Variants in ELP2 observed in about 807,000 individuals in gnomAD.
ELP2 encodes the protein elongator acetyltransferase complex subunit 2.
In ELP2, 90 loss-of-function variants were observed where a neutral mutation model predicts 119.2. The ratio of observed to expected loss-of-function variants is 0.75; its 90% CI spans 0.64 to 0.90. The LOEUF is 0.90. Ranked by LOEUF, ELP2 falls within the 40% of genes least tolerant of loss-of-function variation. ELP2 has a pLI of 0.00. For synonymous variants in ELP2, 339 were observed against 331.0 expected (o/e 1.02, Z -0.26); for missense variants, 921 against 967.8 (o/e 0.95, Z 0.64).
intron 12 of ELP2, among the ~76,000 whole-genome samples, chr18:36,155,422 A>T (rs926904099): frequency 6.6e-6 from 1 of 152,182 alleles, no homozygotes; most frequent in Non-Finnish European, 1.5e-5. Flanking sequence ...TAGAACCATG[A>T]TGAGATACCA....
rs775751549 is a variant in ELP2 at position 36,133,359 on chromosome 18, T to A, written c.217+43T>A. On this transcript the variant is annotated intron_variant, in intron 2 of 21. Transcript: ENST00000358232. ...TTTAAAGTTGATCTCAATTGTTTTCTGATAAAATAAGGTTAGCCATTTTTT... is the reference window on the plus strand; with the variant it reads ...TTTAAAGTTGATCTCAATTGTTTTCAGATAAAATAAGGTTAGCCATTTTTT... The A allele has an allele frequency of 2.7e-6, 4 of 1,465,470 alleles. No homozygotes were observed. In the Admixed American group the frequency reaches 5.0e-5, roughly 18 times the overall value. The allele number at this position is 1,465,470 out of a possible 1,614,324, so 90.8% of individuals were successfully genotyped here. A position where few individuals can be genotyped will look rare whatever the true frequency, so the allele number is the denominator to read the frequency against.
intron 11 of ELP2, among the ~76,000 whole-genome samples, chr18:36,147,363 C>T (rs1458340777): frequency 6.6e-6 from 1 of 151,926 alleles, no homozygotes; most frequent in Non-Finnish European, 1.5e-5. Context: ...AGGTGTGAGC[C>T]ACTGCATTTG....
At chr18:36,147,269 G>C (rs991315136) in intron 11 of ELP2, among the ~76,000 whole-genome samples, 1 of 151,802 alleles carries the variant, frequency 6.6e-6, no homozygotes, top group Non-Finnish European at 1.5e-5. Flanking sequence ...TAGACACAGG[G>C]TCTTGCTTTG....
chr18:36,180,134 A>G lies in ELP2; in HGVS notation c.*5493A>G, dbSNP rs2091303018. ...TATTTCGCTGTCTGACGTCCTTAGT[A>G]TGAGGCTTTCACCTTCCAGGATGGC... is the stretch of plus-strand genomic sequence containing the variant. On this transcript the variant is annotated 3_prime_UTR_variant, in exon 22 of 22. Transcript: ENST00000358232. 6.6e-6 allele frequency: 1 copy of G among 152,246 alleles called. No individual in the cohort carries two copies. The highest frequency in any genetic ancestry group is 2.1e-4 in the South Asian group (1 of 4,828). The allele number at this position is 152,246 out of a possible 1,614,324, so 9.4% of individuals were successfully genotyped here. A position where few individuals can be genotyped will look rare whatever the true frequency, so the allele number is the denominator to read the frequency against.
chr18:36,152,713 T>A (rs920001598), intron 11 of ELP2, among the ~76,000 whole-genome samples: 4 of 152,196 alleles, frequency 2.6e-5, no homozygotes, highest in Admixed American at 2.6e-4. Flanking sequence ...TGTGTCTGGA[T>A]TATATATCCC....
At chr18:36,154,453 A>G (rs1422470435) in intron 11 of ELP2, among the ~76,000 whole-genome samples, 1 of 152,266 alleles carries the variant, frequency 6.6e-6, no homozygotes, top group African/African-American at 2.4e-5. Flanking sequence ...TTTAATAAAT[A>G]CATAGAACCT....
In ELP2 at chr18:36,146,244, G is replaced by A. The variant is rs180920983; in HGVS notation, c.994-6G>A. 1.2e-6 allele frequency: 2 copies of A among 1,614,036 alleles called. No individual in the cohort carries two copies. Among genetic ancestry groups the A allele is most frequent in the Admixed American group, 1.7e-5 (1 of 60,022 alleles). On this transcript the variant is annotated splice_region_variant and splice_polypyrimidine_tract_variant and intron_variant, in intron 10 of 21. Transcript: ENST00000358232. ...TAAGAATTGTTTTCTGTCTGTTATT[G>A]TACAGGTTCGAGTAGGTGAAGTAGG...
intron 12 of ELP2, among the ~76,000 whole-genome samples, chr18:36,155,422 A>G (rs926904099): frequency 1.6e-4 from 24 of 152,182 alleles, no homozygotes; most frequent in African/African-American, 5.5e-4. Context: ...TAGAACCATG[A>G]TGAGATACCA....
chr18:36,143,181 C>T (rs1463625311), intron 8 of ELP2, among the ~76,000 whole-genome samples: 4 of 151,784 alleles, frequency 2.6e-5, no homozygotes, highest in Non-Finnish European at 4.4e-5. Context: ...CTGCAACCTC[C>T]GTCTCCCAGG....
At chr18:36,160,417 A>G (rs2090699889) in intron 16 of ELP2, among the ~76,000 whole-genome samples, 1 of 151,968 alleles carries the variant, frequency 6.6e-6, no homozygotes, top group South Asian at 2.1e-4. Context: ...TCTACAAAAA[A>G]TTTTAAAAAA....
At chr18:36,139,499 G>A (rs1324842339) in intron 5 of ELP2, 9 of 1,535,702 alleles carry the variant, frequency 5.9e-6, no homozygotes, top group South Asian at 3.6e-5. Context: ...CAGGAGCTGC[G>A]ACTCTATGGT....
intron 11 of ELP2, among the ~76,000 whole-genome samples, chr18:36,149,590 T>A (rs777706541): frequency 7.6e-5 from 11 of 144,544 alleles, no homozygotes; most frequent in Non-Finnish European, 1.2e-4. Flanking sequence ...AAAAATAAAT[T>A]AAAAAAAAAA....
intron 11 of ELP2, among the ~76,000 whole-genome samples, chr18:36,151,203 A>G (rs1367665863): frequency 2.1e-5 from 3 of 144,002 alleles, no homozygotes; most frequent in African/African-American, 7.8e-5. Context: ...TCCCACCTCC[A>G]CCTCCCGAGT....
intron 3 of ELP2, among the ~76,000 whole-genome samples, chr18:36,137,479 A>G (rs2089867100): frequency 1.3e-5 from 2 of 152,230 alleles, no homozygotes; most frequent in Non-Finnish European, 2.9e-5. Flanking sequence ...AAACAACTGA[A>G]GAGACATTTA....
chr18:36,152,100 G>GTTCC (rs914518416), intron 11 of ELP2, among the ~76,000 whole-genome samples: 17 of 151,418 alleles, frequency 1.1e-4, no homozygotes, highest in African/African-American at 3.2e-4. Flanking sequence ...GGCTGAGGTG[G>GTTCC]GAAGATCACT....
chr18:36,168,082 TC>T (rs1235118016), intron 19 of ELP2, among the ~76,000 whole-genome samples: 1 of 152,230 alleles, frequency 6.6e-6, no homozygotes, highest in Admixed American at 6.5e-5. Context: ...ATCCTTTTGT[TC>T]CTACAGACTA....
At position 36,138,847 on chromosome 18, in the gene ELP2, C is replaced by T. The variant is rs1384131220; in HGVS notation, c.498C>T (p.Cys166=). ...GAAATGGATTTGCTTTGGCTCTCTG[C>T]TTATCTTTTTTGCCAAATACTGATG... ...NFGNGFALAL[C]LSFLPNTDVP... The change falls in exon 5 of 22, where the codon TGC becomes TGT. Residue 166 remains cysteine (C), a synonymous_variant. Coordinates refer to ENST00000358232, the MANE Select transcript of ELP2 (RefSeq NM_018255.4). 6.2e-7 allele frequency: 1 copy of T among 1,613,738 alleles called. No homozygotes were observed. Among genetic ancestry groups the T allele is most frequent in the Non-Finnish European group, 8.5e-7 (1 of 1,179,876 alleles).
chr18:36,167,162 T>C lies in ELP2; in HGVS notation c.2016T>C (p.Ile672=). ...TTACTTCTGTGCACAGTAGAATTAT[T>C]TGGTCTTGTGATTGGAGTCCTGACA... is the stretch of plus-strand genomic sequence containing the variant. The part of the protein sequence containing the change: ...NKITSVHSRI[I]WSCDWSPDSK... The change falls in exon 19 of 22, where the codon ATT becomes ATC. Residue 672 remains isoleucine (I), a synonymous_variant. Coordinates refer to ENST00000358232, the MANE Select transcript of ELP2 (RefSeq NM_018255.4). The C allele has an allele frequency of 1.9e-6, 3 of 1,600,502 alleles. No individual in the cohort carries two copies. Among genetic ancestry groups the C allele is most frequent in the Non-Finnish European group, 2.6e-6 (3 of 1,172,710 alleles).
Position 36,154,862 on chromosome 18 carries a change from C to T in ELP2, c.1138C>T (p.Pro380Ser). 6.2e-7 allele frequency: 1 copy of T among 1,614,048 alleles called. No individual in the cohort carries two copies. Among genetic ancestry groups the T allele is most frequent in the African/African-American group, 1.3e-5 (1 of 75,018 alleles). Reference protein sequence around the residue: ...QNTVNPREWTPEIVISGHFDG... With the variant: ...QNTVNPREWTSEIVISGHFDG... ...ACTTCCATTGCAGAGAGAGTGGACT[C>T]CAGAGATTGTCATTTCAGGACACTT... Residue 380 changes from proline (P) to serine (S), a missense_variant, in exon 12 of 22, where the codon CCA becomes TCA. By Grantham distance (74) the Pro-to-Ser change is moderately conservative. Coordinates refer to ENST00000358232, the MANE Select transcript of ELP2 (RefSeq NM_018255.4).
Sources: allele counts gnomAD v4.1 joint callset (sites outside exome capture counted in the v4.1 genomes callset), GRCh38; gene constraint gnomAD v4.1.1; transcripts MANE v1.5; gene names NCBI Gene and HGNC (gene_info 2026-07-23, HGNC 2026-07-21).